PTPRD: variants seen among roughly 807,000 people sequenced by gnomAD.
The protein encoded by PTPRD is protein tyrosine phosphatase receptor type D.
PTPRD carries 34 observed loss-of-function variants against 214.5 expected under a neutral mutation model. That is an observed-to-expected ratio of 0.16 (90% CI 0.12 to 0.21). The LOEUF is 0.21. PTPRD is among the 10% of genes least tolerant of loss of function. PTPRD has a pLI of 1.00. For missense variants in PTPRD, 2,545 were observed against 2,398.7 expected, an observed-to-expected ratio of 1.06 and a Z score of -1.27; for synonymous variants, 1,128 against 845.7, an observed-to-expected ratio of 1.33 and a Z score of -5.79.
At position 10,161,578 on chromosome 9, in the gene PTPRD, T is replaced by A. The variant is rs556981872; in HGVS notation, c.-544-127788A>T. Among the ~76,000 whole-genome samples, 15 of 151,902 alleles carry A rather than the reference T, an allele frequency of 9.9e-5. 1 individual carries two copies. In the South Asian group the frequency reaches 2.7e-3, roughly 27 times the overall value. ...GATTTGCAAATCTTAATCGAAGACTTGAAACCCTGAAACTATTATAAGAAA... is the reference window on the plus strand; with the variant it reads ...GATTTGCAAATCTTAATCGAAGACTAGAAACCCTGAAACTATTATAAGAAA... On this transcript the variant is annotated intron_variant, in intron 3 of 45. Transcript: ENST00000381196.
intron 30 of PTPRD, 106 bp downstream of exon 30, chr9:8,484,013 A>G (rs930714594): frequency 7.2e-7 from 1 of 1,388,476 alleles, no homozygotes; most frequent in Admixed American, 2.3e-5. Flanking sequence ...AGAATCTTTC[A>G]CTACATTAAG....
chr9:8,967,803 G>T (rs2099207743), intron 11 of PTPRD, among the ~76,000 whole-genome samples: 3 of 152,032 alleles, frequency 2.0e-5, no homozygotes, highest in African/African-American at 7.2e-5. Context: ...TGCACAACGT[G>T]CAGGTGTGTT....
At chr9:10,181,419 T>A (rs567691537) in intron 3 of PTPRD, among the ~76,000 whole-genome samples, 2 of 152,144 alleles carry the variant, frequency 1.3e-5, no homozygotes, top group Admixed American at 1.3e-4. Flanking sequence ...TGACTTGACA[T>A]TGTGGATATC....
Position 8,849,564 on chromosome 9 carries a change from T to A in PTPRD, c.-103-115618A>T, listed in dbSNP as rs59297663. Among the ~76,000 whole-genome samples, 625 of 152,278 alleles carry A rather than the reference T, an allele frequency of 4.1e-3. 5 individuals are homozygous for A. Among genetic ancestry groups the A allele is most frequent in the African/African-American group, 0.014 (597 of 41,542 alleles). On this transcript the variant is annotated intron_variant, in intron 11 of 45. Coordinates refer to ENST00000381196, the MANE Select transcript of PTPRD (RefSeq NM_002839.4). ...TTCAACTCAATTCAACGAAAAGGAA[T>A]AGCACTTGAACTGAGCATTAGAAAA... is the stretch of plus-strand genomic sequence containing the variant.
At chr9:10,073,379 T>G (rs560852998) in intron 3 of PTPRD, among the ~76,000 whole-genome samples, 124 of 152,138 alleles carry the variant, frequency 8.2e-4, no homozygotes, top group African/African-American at 3.0e-3. Context: ...AAATTTCACA[T>G]AAATACTATA....
intron 2 of PTPRD, among the ~76,000 whole-genome samples, chr9:10,352,583 G>C (rs947177765): frequency 2.0e-5 from 3 of 152,142 alleles, no homozygotes; most frequent in African/African-American, 4.8e-5. Context: ...AGGAGAAATA[G>C]CTATATATGC....
rs141739263 is a variant in PTPRD, at chr9:10,491,374, A to G, written c.-600+121024T>C. Among the ~76,000 whole-genome samples, 9 of 152,278 alleles carry G rather than the reference A, an allele frequency of 5.9e-5. No homozygotes were observed. The East Asian group carries it at 1.7e-3, about 29-fold the overall frequency. On this transcript the variant is annotated intron_variant, in intron 2 of 45. Coordinates refer to ENST00000381196, the MANE Select transcript of PTPRD (RefSeq NM_002839.4). The stretch of plus-strand genomic sequence containing the variant: ...ATAATTTTAGATTCTAATGTCAAGT[A>G]AGACATAAGAATTAGATCACTGAAG...
chr9:9,249,126 T>A (rs2099974340), intron 9 of PTPRD, among the ~76,000 whole-genome samples: 2 of 151,996 alleles, frequency 1.3e-5, no homozygotes, highest in Non-Finnish European at 1.5e-5. Flanking sequence ...CCTCCTATGG[T>A]TAAGAGTGAG....
intron 14 of PTPRD, among the ~76,000 whole-genome samples, chr9:8,557,886 G>T (rs998604188): frequency 6.9e-6 from 1 of 145,550 alleles, no homozygotes; most frequent in Admixed American, 6.9e-5. Flanking sequence ...CAAGAAACAA[G>T]GAAATAAACA....
intron 3 of PTPRD, among the ~76,000 whole-genome samples, chr9:10,043,954 T>C (rs1473072065): frequency 1.3e-5 from 2 of 151,878 alleles, no homozygotes; most frequent in African/African-American, 4.8e-5. Flanking sequence ...TACTGGCTAT[T>C]TTTTATTATT....
chr9:9,398,665 C>A (rs980410572), intron 8 of PTPRD, among the ~76,000 whole-genome samples: 3 of 151,808 alleles, frequency 2.0e-5, no homozygotes, highest in African/African-American at 7.3e-5. Context: ...TAGAAAAATT[C>A]TTTAAGACTT....
chr9:10,294,627 T>G (rs1019847991), intron 3 of PTPRD, among the ~76,000 whole-genome samples: 2 of 152,014 alleles, frequency 1.3e-5, no homozygotes, highest in Admixed American at 6.6e-5. Context: ...TAAATATTTA[T>G]AGTTGGAAAA....
intron 11 of PTPRD, among the ~76,000 whole-genome samples, chr9:8,821,377 G>T (rs1357027371): frequency 6.6e-6 from 1 of 151,974 alleles, no homozygotes; most frequent in African/African-American, 2.4e-5. Context: ...GCTGAATGTG[G>T]GTGCCATAGT....
intron 10 of PTPRD, among the ~76,000 whole-genome samples, chr9:9,026,564 T>A (rs1329829748): frequency 2.6e-5 from 4 of 151,974 alleles, no homozygotes; most frequent in Non-Finnish European, 5.9e-5. Context: ...CAGTTTTATT[T>A]TCTGTATGTT....
At chr9:8,960,626 A>C (rs1056355485) in intron 11 of PTPRD, among the ~76,000 whole-genome samples, 1 of 152,134 alleles carries the variant, frequency 6.6e-6, no homozygotes, top group Non-Finnish European at 1.5e-5. Flanking sequence ...TCCATTTTAA[A>C]GATCTGTTAG....
intron 34 of PTPRD, among the ~76,000 whole-genome samples, chr9:8,439,589 G>A (rs1416838245): frequency 6.6e-6 from 1 of 152,054 alleles, no homozygotes; most frequent in Non-Finnish European, 1.5e-5. Context: ...TCATATATCA[G>A]AAAAGACCGA....
chr9:8,460,263 T>G, intron 33 of PTPRD, 148 bp downstream of exon 33: 1 of 948,748 alleles, frequency 1.1e-6, no homozygotes, highest in East Asian at 2.4e-5. Flanking sequence ...TTGATCTTAC[T>G]GTAATGTAAA....
intron 27 of PTPRD, among the ~76,000 whole-genome samples, chr9:8,489,006 G>A (rs2296101): frequency 0.34 from 51,960 of 152,062 alleles, 9,325 homozygotes; most frequent in African/African-American, 0.47. Flanking sequence ...CTGTTTCCGT[G>A]AGATGCACGT....
intron 35 of PTPRD, among the ~76,000 whole-genome samples, chr9:8,407,065 C>A (rs952568336): frequency 1.1e-4 from 17 of 152,194 alleles, no homozygotes; most frequent in African/African-American, 4.1e-4. Context: ...CATTTCCACT[C>A]TTGCCACATG....
Sources: allele counts gnomAD v4.1 joint callset (sites outside exome capture counted in the v4.1 genomes callset), GRCh38; gene constraint gnomAD v4.1.1; transcripts MANE v1.5; gene names NCBI Gene and HGNC (gene_info 2026-07-23, HGNC 2026-07-21).